Variants in SUMF1 observed in about 807,000 individuals in gnomAD.
SUMF1 encodes the protein sulfatase modifying factor 1.
SUMF1 carries 48 observed loss-of-function variants against 47.6 expected under a neutral mutation model. The observed-to-expected ratio is 1.01, with a 90% CI of 0.80 to 1.28. The LOEUF (loss-of-function observed/expected upper bound fraction) is 1.28. SUMF1 is among the 50% of genes most tolerant of loss of function. SUMF1 has a pLI of 0.00. For synonymous variants in SUMF1, 230 were observed against 192.1 expected (o/e 1.20, Z -1.63); for missense variants, 571 against 485.4 (o/e 1.18, Z -1.66).
intron 8 of SUMF1, among the ~76,000 whole-genome samples, chr3:4,240,030 T>C (rs1696502102): frequency 6.6e-6 from 1 of 152,190 alleles, no homozygotes; most frequent in Admixed American, 6.5e-5. Context: ...AATAATCATG[T>C]GGTTTTTGTC....
chr3:4,092,665 A>G (rs951545002), intron 8 of SUMF1, among the ~76,000 whole-genome samples: 4 of 152,160 alleles, frequency 2.6e-5, no homozygotes, highest in Non-Finnish European at 5.9e-5. Flanking sequence ...TATAAAAGCA[A>G]TAATTCTTGT....
intron 8 of SUMF1, among the ~76,000 whole-genome samples, chr3:4,162,273 G>A (rs947380679): frequency 6.6e-6 from 1 of 152,172 alleles, no homozygotes; most frequent in African/African-American, 2.4e-5. Flanking sequence ...GCTACCTGAG[G>A]TTGGGGGAGG....
intron 8 of SUMF1, among the ~76,000 whole-genome samples, chr3:4,278,045 G>A (rs1697454752): frequency 6.6e-6 from 1 of 152,010 alleles, no homozygotes; most frequent in Non-Finnish European, 1.5e-5. Context: ...CACAAGAGAG[G>A]AGTTTGGTCC....
At chr3:4,388,307 A>G (rs1700738936) in intron 7 of SUMF1, among the ~76,000 whole-genome samples, 1 of 152,084 alleles carries the variant, frequency 6.6e-6, no homozygotes, top group African/African-American at 2.4e-5. Context: ...TTTTATCATT[A>G]TATACGTTCT....
intron 8 of SUMF1, chr3:4,303,849 G>C: frequency 2.3e-6 from 3 of 1,324,944 alleles, no homozygotes; most frequent in Non-Finnish European, 3.0e-6. Flanking sequence ...TACCTCCCTG[G>C]TCTCAGGTGT....
chr3:4,243,536 G>T (rs938424760), intron 8 of SUMF1, among the ~76,000 whole-genome samples: 1 of 152,086 alleles, frequency 6.6e-6, no homozygotes, highest in Non-Finnish European at 1.5e-5. Flanking sequence ...AGTCATTTGG[G>T]AGCCAGTTGT....
chr3:4,262,579 C>T (rs1017432908), intron 8 of SUMF1, among the ~76,000 whole-genome samples: 4 of 152,156 alleles, frequency 2.6e-5, no homozygotes, highest in African/African-American at 9.7e-5. Context: ...CATGTGGCTC[C>T]ATTCTTACCC....
intron 8 of SUMF1, among the ~76,000 whole-genome samples, chr3:4,273,950 G>C (rs1430418428): frequency 1.3e-5 from 2 of 150,802 alleles, no homozygotes; most frequent in African/African-American, 4.9e-5. Context: ...TAATAGCCTA[G>C]TCTGCATCTG....
At chr3:4,300,926 T>C (rs914224163) in intron 8 of SUMF1, among the ~76,000 whole-genome samples, 2 of 152,002 alleles carry the variant, frequency 1.3e-5, no homozygotes, top group Non-Finnish European at 2.9e-5. Context: ...TGGCCCTACA[T>C]CAAAAGACTA....
intron 8 of SUMF1, among the ~76,000 whole-genome samples, chr3:4,284,999 T>A (rs1697604346): frequency 1.3e-5 from 2 of 152,154 alleles, no homozygotes; most frequent in Admixed American, 1.3e-4. Flanking sequence ...TAACCGCTGA[T>A]CATCTTCGTC....
Position 4,289,026 on chromosome 3 carries a change from C to G in SUMF1, c.1014+87304G>C, listed in dbSNP as rs167465. The stretch of plus-strand genomic sequence containing the variant: ...ATTCATTATCACACAACCTTTTCTG[C>G]TACAGTACATAGCATAATTTGCTCC... On this transcript the variant is annotated intron_variant and NMD_transcript_variant, in intron 8 of 12. Transcript: ENST00000448413. Among the ~76,000 whole-genome samples the G allele has an allele frequency of 2.2e-3, 336 of 152,310 alleles. 1 individual carries two copies. The highest frequency in any genetic ancestry group is 7.7e-3 in the African/African-American group (322 of 41,574).
chr3:4,390,833 T>G (rs992072409), intron 7 of SUMF1, among the ~76,000 whole-genome samples: 5 of 152,180 alleles, frequency 3.3e-5, no homozygotes, highest in African/African-American at 7.2e-5. Context: ...ATGTCATTTC[T>G]AGGACTCTGA....
At chr3:4,425,651 T>G (rs1027581667) in intron 3 of SUMF1, among the ~76,000 whole-genome samples, 2 of 152,040 alleles carry the variant, frequency 1.3e-5, no homozygotes, top group Non-Finnish European at 2.9e-5. Flanking sequence ...AGTCATGATG[T>G]GAGAACCATC....
At chr3:4,400,615 C>G (rs1701179724) in intron 7 of SUMF1, among the ~76,000 whole-genome samples, 1 of 152,184 alleles carries the variant, frequency 6.6e-6, no homozygotes, top group Non-Finnish European at 1.5e-5. Context: ...CGCTTAGAAA[C>G]CGTAATCTGC....
chr3:4,296,288 T>C (rs1246012961), intron 8 of SUMF1, among the ~76,000 whole-genome samples: 5 of 138,206 alleles, frequency 3.6e-5, no homozygotes, highest in Non-Finnish European at 7.6e-5. Context: ...TGAAGACACA[T>C]CAGAAAGGCA....
At chr3:4,425,302 T>C (rs987138421) in intron 3 of SUMF1, among the ~76,000 whole-genome samples, 5 of 152,302 alleles carry the variant, frequency 3.3e-5, no homozygotes, top group East Asian at 3.9e-4. Context: ...AAAATAATAC[T>C]ATCTACTTCC....
chr3:4,250,530 T>C (rs958862328), intron 8 of SUMF1, among the ~76,000 whole-genome samples: 6 of 152,104 alleles, frequency 3.9e-5, no homozygotes, highest in Non-Finnish European at 7.4e-5. Context: ...ATTTTCAATG[T>C]AGATGAAACA....
chr3:4,351,479 T>C (rs1699500311), intron 8 of SUMF1, among the ~76,000 whole-genome samples: 1 of 150,430 alleles, frequency 6.6e-6, no homozygotes, highest in Non-Finnish European at 1.5e-5. Context: ...ACTTTTCCTT[T>C]CATTCTTCAC....
At chr3:4,207,799 C>A (rs1313663328) in intron 8 of SUMF1, among the ~76,000 whole-genome samples, 1 of 152,100 alleles carries the variant, frequency 6.6e-6, no homozygotes, top group African/African-American at 2.4e-5. Context: ...ATACAGAAAA[C>A]CACAACTTAC....
Sources: allele counts gnomAD v4.1 joint callset (sites outside exome capture counted in the v4.1 genomes callset), GRCh38; gene constraint gnomAD v4.1.1; transcripts MANE v1.5; gene names NCBI Gene and HGNC (gene_info 2026-07-23, HGNC 2026-07-21).